SAMD12: variants seen among roughly 807,000 people sequenced by gnomAD.
The protein encoded by SAMD12 is sterile alpha motif domain-containing protein 12.
SAMD12 carries 9 observed loss-of-function variants against 15.0 expected under a neutral mutation model. The ratio of observed to expected loss-of-function variants is 0.60; its 90% CI spans 0.36 to 1.05. The LOEUF (loss-of-function observed/expected upper bound fraction) is 1.05. Ranked by LOEUF, SAMD12 falls within the 50% of genes least tolerant of loss-of-function variation. The pLI is 0.01. For synonymous variants in SAMD12, 86 were observed against 90.1 expected (o/e 0.96, Z 0.25); for missense variants, 230 against 234.2 (o/e 0.98, Z 0.12).
At chr8:118,270,039 C>T (rs7000136) in intron 4 of SAMD12, among the ~76,000 whole-genome samples, 60,988 of 152,028 alleles carry the variant, frequency 0.4, 15,106 homozygotes, top group African/African-American at 0.7. Context: ...TTGCTTTTAA[C>T]GATGGTGGAA....
At chr8:118,304,813 A>C (rs928850486) in intron 4 of SAMD12, among the ~76,000 whole-genome samples, 41 of 149,916 alleles carry the variant, frequency 2.7e-4, no homozygotes, top group African/African-American at 9.3e-4. Flanking sequence ...AATAAATATA[A>C]ACTTTTTAAA....
At chr8:118,268,675 G>T (rs538195203) in intron 4 of SAMD12, among the ~76,000 whole-genome samples, 1 of 152,064 alleles carries the variant, frequency 6.6e-6, no homozygotes, top group Non-Finnish European at 1.5e-5. Context: ...TTAGCCAGGC[G>T]TGGTGGTGCT....
At chr8:118,438,394 A>G (rs779671323) in intron 3 of SAMD12, among the ~76,000 whole-genome samples, 1 of 146,066 alleles carries the variant, frequency 6.8e-6, no homozygotes, top group South Asian at 2.2e-4. Flanking sequence ...TTTTTAAAAC[A>G]TTTAGTGCTT....
At chr8:118,503,411 TAAC>T (rs1303437473) in intron 2 of SAMD12, among the ~76,000 whole-genome samples, 1 of 152,174 alleles carries the variant, frequency 6.6e-6, no homozygotes, top group Non-Finnish European at 1.5e-5. Context: ...TCCATTCACT[TAAC>T]AAACATTCAC....
chr8:118,568,594 T>C (rs936200225), intron 2 of SAMD12, among the ~76,000 whole-genome samples: 1 of 152,148 alleles, frequency 6.6e-6, no homozygotes, highest in Non-Finnish European at 1.5e-5. Flanking sequence ...AAAAACAAAA[T>C]TGAGCCTGAT....
At chr8:118,160,858 T>C in the SAMD12 span, among the ~76,000 whole-genome samples, 1 of 152,200 alleles carries the variant, frequency 6.6e-6, no homozygotes, top group South Asian at 2.1e-4. Flanking sequence ...TTGTTACATA[T>C]GTATACATGT....
chr8:118,277,860 A>C (rs1428383664), intron 4 of SAMD12, among the ~76,000 whole-genome samples: 3 of 152,150 alleles, frequency 2.0e-5, no homozygotes, highest in Non-Finnish European at 4.4e-5. Context: ...CTTTCACCAG[A>C]TAGAGAGCTC....
chr8:118,460,995 T>C (rs376378321), intron 2 of SAMD12, among the ~76,000 whole-genome samples: 7 of 152,208 alleles, frequency 4.6e-5, no homozygotes, highest in African/African-American at 1.7e-4. Context: ...ACATAATGGT[T>C]TACCTGGTTA....
the SAMD12 span, among the ~76,000 whole-genome samples, chr8:118,152,454 C>CCTCCCTTCCTTCCTTCCTT: frequency 6.9e-6 from 1 of 144,280 alleles, no homozygotes; most frequent in Non-Finnish European, 1.5e-5. Context: ...CTCCCTCCCT[C>CCTCCCTTCCTTCCTTCCTT]CCTACCTTCC....
intron 2 of SAMD12, among the ~76,000 whole-genome samples, chr8:118,452,523 TTATA>T (rs1373922255): frequency 6.6e-6 from 1 of 152,206 alleles, no homozygotes; most frequent in Non-Finnish European, 1.5e-5. Flanking sequence ...TTACTTTTAT[TTATA>T]TAAACTTTTT....
chr8:118,243,421 T>G (rs1812617246), intron 4 of SAMD12, among the ~76,000 whole-genome samples: 2 of 151,924 alleles, frequency 1.3e-5, no homozygotes, highest in East Asian at 3.9e-4. Context: ...TCTGTGCACC[T>G]GAGATGCAAA....
At chr8:118,278,533 C>T (rs772977802) in intron 4 of SAMD12, among the ~76,000 whole-genome samples, 2 of 152,212 alleles carry the variant, frequency 1.3e-5, no homozygotes, top group Non-Finnish European at 1.5e-5. Flanking sequence ...GGCCAGTTTT[C>T]ACTGGTCATT....
At chr8:118,303,816 C>A (rs2130348186) in intron 4 of SAMD12, among the ~76,000 whole-genome samples, 1 of 152,254 alleles carries the variant, frequency 6.6e-6, no homozygotes, top group South Asian at 2.1e-4. Context: ...GGAAGAAATG[C>A]AGAAAAGGCT....
At chr8:118,451,917 G>A (rs2130916956) in intron 2 of SAMD12, among the ~76,000 whole-genome samples, 1 of 152,260 alleles carries the variant, frequency 6.6e-6, no homozygotes, top group Non-Finnish European at 1.5e-5. Context: ...GGTATGGACT[G>A]AATATCTCTG....
chr8:118,179,774 A>G, the SAMD12 span, among the ~76,000 whole-genome samples: 6 of 152,296 alleles, frequency 3.9e-5, no homozygotes, highest in African/African-American at 1.4e-4. Flanking sequence ...ACTTATGCAC[A>G]TACGGGACTA....
chr8:118,251,284 C>G (rs932878961), intron 4 of SAMD12, among the ~76,000 whole-genome samples: 1 of 152,066 alleles, frequency 6.6e-6, no homozygotes, highest in Non-Finnish European at 1.5e-5. Context: ...GTTGTAAAAC[C>G]GGGCAGCTAA....
chr8:118,156,044 C>A, the SAMD12 span, among the ~76,000 whole-genome samples: 1 of 152,080 alleles, frequency 6.6e-6, no homozygotes, highest in African/African-American at 2.4e-5. Context: ...CAGTCTTTTG[C>A]AATGAATAAT....
At chr8:118,497,116 G>A (rs148767130) in intron 2 of SAMD12, among the ~76,000 whole-genome samples, 2,643 of 152,296 alleles carry the variant, frequency 0.017, 51 homozygotes, top group South Asian at 0.035. Flanking sequence ...ACACACTGCT[G>A]GTGGGAATGT....
In SAMD12 at chr8:118,352,695, G is replaced by A. The variant is rs73325630; in HGVS notation, c.433+26865C>T. ...CAATAAAACGATCAATAGGAAATCAGGCCACTCTCCAGTACCTCACGGTTT... is the reference window on the plus strand; with the variant it reads ...CAATAAAACGATCAATAGGAAATCAAGCCACTCTCCAGTACCTCACGGTTT... On this transcript the variant is annotated intron_variant, in intron 4 of 4. Coordinates refer to the SAMD12 transcript ENST00000409003. 9.4e-3 allele frequency among the ~76,000 whole-genome samples: 1,432 copies of A among 152,182 alleles called. 24 individuals are homozygous for A. Among genetic ancestry groups the A allele is most frequent in the African/African-American group, 0.033 (1,358 of 41,518 alleles).
Sources: gnomAD v4.1 joint callset for allele counts (sites outside exome capture counted in the v4.1 genomes callset) on GRCh38, gnomAD v4.1.1 for gene constraint, MANE v1.5 for transcripts, NCBI Gene and HGNC (gene_info 2026-07-23, HGNC 2026-07-21) for gene names.